The following SLC9A9 variants were observed in gnomAD, a reference collection of about 807,000 sequenced individuals.
The protein encoded by SLC9A9 is sodium/hydrogen exchanger 9.
Under a neutral mutation model 77.8 loss-of-function variants are expected in SLC9A9, and 62 were observed. The ratio of observed to expected loss-of-function variants is 0.80; its 90% CI spans 0.65 to 0.98. The LOEUF (loss-of-function observed/expected upper bound fraction) is 0.98. Ranked by LOEUF, SLC9A9 falls within the 50% of genes least tolerant of loss-of-function variation. The pLI is 0.00. For missense variants in SLC9A9, 775 were observed against 774.9 expected (o/e 1.00, Z 0.00); for synonymous variants, 320 against 283.5 (o/e 1.13, Z -1.29).
chr3:143,471,707 G>C (rs958928352), intron 11 of SLC9A9, among the ~76,000 whole-genome samples: 1 of 151,918 alleles, frequency 6.6e-6, no homozygotes, highest in Non-Finnish European at 1.5e-5. Flanking sequence ...TACTTTTGAG[G>C]GTCGACAGAC....
chr3:143,826,181 C>A (rs1200504792), intron 2 of SLC9A9, among the ~76,000 whole-genome samples: 1 of 151,788 alleles, frequency 6.6e-6, no homozygotes, highest in East Asian at 1.9e-4. Flanking sequence ...ATTGCTTGAA[C>A]CTAGGAGGCA....
At chr3:143,583,984 G>A (rs2037498388) in intron 6 of SLC9A9, among the ~76,000 whole-genome samples, 1 of 152,206 alleles carries the variant, frequency 6.6e-6, no homozygotes, top group Non-Finnish European at 1.5e-5. Context: ...TAATGAAGAA[G>A]AAGGAGGAGG....
At chr3:143,620,704 G>C (rs896399198) in intron 6 of SLC9A9, 8 of 152,852 alleles carry the variant, frequency 5.2e-5, no homozygotes, top group Middle Eastern at 3.4e-3. Context: ...GCAGAAGATG[G>C]GTGATTTCTG....
chr3:143,587,586 C>T (rs555973290), intron 6 of SLC9A9, among the ~76,000 whole-genome samples: 3 of 151,998 alleles, frequency 2.0e-5, no homozygotes, highest in South Asian at 2.1e-4. Context: ...AGGCTGGAGC[C>T]GGGCCAGGGC....
chr3:143,290,852 T>G (rs1023319683), intron 14 of SLC9A9, among the ~76,000 whole-genome samples: 4 of 152,208 alleles, frequency 2.6e-5, no homozygotes, highest in African/African-American at 7.2e-5. Context: ...CCAGACTTCA[T>G]GTACTATGGA....
intron 2 of SLC9A9, among the ~76,000 whole-genome samples, chr3:143,818,846 C>T (rs2009088356): frequency 6.6e-6 from 1 of 151,982 alleles, no homozygotes. Flanking sequence ...TTTTGGGAGG[C>T]CGAGGTGGGT....
At position 143,731,572 on chromosome 3, in the gene SLC9A9, A is replaced by T. The variant is rs115542434; in HGVS notation, c.534-38265T>A. On this transcript the variant is annotated intron_variant, in intron 4 of 15. Transcript: ENST00000316549. The stretch of plus-strand genomic sequence containing the variant: ...TCTGAGCCAGGAAGTGCTTGGCTGT[A>T]CCCATCCCTTTCTAATATCATGTAT... 3.5e-3 allele frequency among the ~76,000 whole-genome samples: 529 copies of T among 152,290 alleles called. 5 individuals carry two copies. The highest frequency in any genetic ancestry group is 0.012 in the African/African-American group (498 of 41,554).
intron 6 of SLC9A9, among the ~76,000 whole-genome samples, chr3:143,579,639 G>T (rs2037421115): frequency 1.3e-5 from 2 of 152,094 alleles, no homozygotes; most frequent in Non-Finnish European, 2.9e-5. Context: ...TTTAATACAG[G>T]ATTTTAAAAA....
intron 9 of SLC9A9, among the ~76,000 whole-genome samples, chr3:143,502,718 C>T (rs2035945690): frequency 6.6e-6 from 1 of 152,026 alleles, no homozygotes. Context: ...ATCTACTTGT[C>T]TATGAAAGGC....
chr3:143,333,872 GT>G (rs1183379971), intron 14 of SLC9A9, among the ~76,000 whole-genome samples: 1 of 151,346 alleles, frequency 6.6e-6, no homozygotes, highest in East Asian at 1.9e-4. Context: ...TGTCTTTCCA[GT>G]TGTTTTTTGT....
At chr3:143,792,946 CT>C (rs2008266531) in intron 4 of SLC9A9, among the ~76,000 whole-genome samples, 1 of 152,126 alleles carries the variant, frequency 6.6e-6, no homozygotes, top group Admixed American at 6.5e-5. Flanking sequence ...AATGATTTCC[CT>C]TACCTCACTA....
chr3:143,511,428 C>T lies in SLC9A9; in HGVS notation c.1090-15980G>A, dbSNP rs114079075. Among the ~76,000 whole-genome samples, 817 of 152,338 alleles carry T rather than the reference C, an allele frequency of 5.4e-3. 6 individuals carry two copies. The highest frequency in any genetic ancestry group is 7.9e-3 in the Non-Finnish European group (538 of 68,032). ...TAATTGGGGAGGAAGGAGCCAGCAG[C>T]TGAAGCTATTTGCTATCTCGTCAGC... On this transcript the variant is annotated intron_variant, in intron 9 of 15. Transcript: ENST00000316549.
At chr3:143,287,278 T>C (rs1425787628) in intron 14 of SLC9A9, among the ~76,000 whole-genome samples, 1 of 152,178 alleles carries the variant, frequency 6.6e-6, no homozygotes, top group Non-Finnish European at 1.5e-5. Context: ...GTTCACATCC[T>C]GGGTAAAGGT....
chr3:143,567,470 C>T (rs1398695045), intron 8 of SLC9A9, among the ~76,000 whole-genome samples: 1 of 152,144 alleles, frequency 6.6e-6, no homozygotes, highest in Non-Finnish European at 1.5e-5. Flanking sequence ...TTATATTCTG[C>T]CCAATCTTCC....
intron 12 of SLC9A9, among the ~76,000 whole-genome samples, chr3:143,418,652 T>C (rs1576484200): frequency 1.3e-5 from 2 of 152,026 alleles, no homozygotes; most frequent in Admixed American, 1.3e-4. Context: ...GGTTGGTTTG[T>C]AAAGGATGCA....
At chr3:143,695,870 G>A (rs573619487) in intron 4 of SLC9A9, among the ~76,000 whole-genome samples, 10 of 152,128 alleles carry the variant, frequency 6.6e-5, no homozygotes, top group East Asian at 3.9e-4. Context: ...ATGGTTTCTC[G>A]TTGTGGTTTT....
intron 8 of SLC9A9, among the ~76,000 whole-genome samples, chr3:143,552,889 A>G (rs1369416532): frequency 6.6e-6 from 1 of 152,200 alleles, no homozygotes; most frequent in African/African-American, 2.4e-5. Flanking sequence ...AGCCTAAAGA[A>G]GTTCCTGTCA....
chr3:143,840,418 G>T (rs962602021), intron 1 of SLC9A9, among the ~76,000 whole-genome samples: 1 of 152,216 alleles, frequency 6.6e-6, no homozygotes, highest in Admixed American at 6.5e-5. Context: ...AGCCTATTTT[G>T]CATGATTCAT....
chr3:143,374,438 A>G (rs1268361902), intron 13 of SLC9A9, among the ~76,000 whole-genome samples: 3 of 150,268 alleles, frequency 2.0e-5, no homozygotes, highest in South Asian at 2.1e-4. Flanking sequence ...AAAAAAAAAA[A>G]AAAAAAAAGA....
Sources: allele counts gnomAD v4.1 joint callset (sites outside exome capture counted in the v4.1 genomes callset), GRCh38; gene constraint gnomAD v4.1.1; transcripts MANE v1.5; gene names NCBI Gene and HGNC (gene_info 2026-07-23, HGNC 2026-07-21).